LGSN: variants seen among roughly 807,000 people sequenced by gnomAD.
LGSN encodes the protein lengsin, lens protein with glutamine synthetase domain, also known as lengsin.
A neutral mutation model predicts 19.5 loss-of-function variants in LGSN; 21 were observed. The ratio of observed to expected loss-of-function variants is 1.07; its 90% CI spans 0.76 to 1.55. The LOEUF is 1.55. Among genes scored for constraint, LGSN ranks in the 40% most tolerant of loss-of-function variants. LGSN has a pLI of 0.00. For synonymous variants in LGSN, 257 were observed against 215.6 expected, an observed-to-expected ratio of 1.19 and a Z score of -1.68; for missense variants, 673 against 608.5, an observed-to-expected ratio of 1.11 and a Z score of -1.12.
chr6:63,356,184 A>G, the LGSN span, among the ~76,000 whole-genome samples: 1 of 152,210 alleles, frequency 6.6e-6, no homozygotes, highest in African/African-American at 2.4e-5. Context: ...CCTGAAGGTT[A>G]GGACTTCAAG....
the LGSN span, among the ~76,000 whole-genome samples, chr6:63,563,712 A>G: frequency 6.6e-6 from 1 of 152,192 alleles, no homozygotes; most frequent in East Asian, 1.9e-4. Flanking sequence ...TTGGGGAAGG[A>G]GGGAAGGTTG....
At chr6:63,537,721 G>A in the LGSN span, among the ~76,000 whole-genome samples, 2 of 152,220 alleles carry the variant, frequency 1.3e-5, no homozygotes, top group African/African-American at 4.8e-5. Flanking sequence ...TAACACCCTT[G>A]TCAGCAGATC....
upstream of LGSN, among the ~76,000 whole-genome samples, chr6:63,320,169 T>C (rs1302289035): frequency 6.6e-6 from 1 of 152,224 alleles, no homozygotes; most frequent in Non-Finnish European, 1.5e-5. Context: ...GACAAATGCT[T>C]GTTTACGCCT....
the LGSN span, among the ~76,000 whole-genome samples, chr6:63,375,441 T>A: frequency 6.6e-6 from 1 of 151,628 alleles, no homozygotes; most frequent in East Asian, 1.9e-4. Flanking sequence ...TGATCTTTCT[T>A]GGCAAATATT....
At position 63,290,129 on chromosome 6, in the gene LGSN, T is replaced by C. The variant is rs147206035; in HGVS notation, c.164-4376A>G. On this transcript the variant is annotated intron_variant, in intron 2 of 3. Coordinates refer to ENST00000370657, the MANE Select transcript of LGSN (RefSeq NM_016571.3). Reference sequence around the variant, plus strand: ...CAAAGAAGAAATACCATATCAAAATTCCTTACACTTATTTTGGGAGTTTAT... The same window carrying C: ...CAAAGAAGAAATACCATATCAAAATCCCTTACACTTATTTTGGGAGTTTAT... 1.8e-4 allele frequency among the ~76,000 whole-genome samples: 27 copies of C among 152,302 alleles called. No homozygotes were observed. In the East Asian group the frequency reaches 5.2e-3, roughly 29 times the overall value.
chr6:63,339,546 C>T, the LGSN span, among the ~76,000 whole-genome samples: 1 of 151,974 alleles, frequency 6.6e-6, no homozygotes. Context: ...CTTCCCTTCG[C>T]TTTCAGTGTA....
intron 2 of LGSN, 87 bp downstream of exon 2, chr6:63,294,826 A>C: frequency 7.4e-7 from 1 of 1,346,266 alleles, no homozygotes; most frequent in East Asian, 2.3e-5. Flanking sequence ...CTCCCAAAAA[A>C]GAAATGAAGA....
chr6:63,450,927 G>A, the LGSN span, among the ~76,000 whole-genome samples: 1 of 152,028 alleles, frequency 6.6e-6, no homozygotes, highest in Non-Finnish European at 1.5e-5. Flanking sequence ...CCCTGGCCTT[G>A]GCCTCCCAAA....
In LGSN at chr6:63,280,675, C is replaced by T. The variant is rs1308193935; in HGVS notation, c.876G>A (p.Val292=). The T allele has an allele frequency of 3.7e-6, 6 of 1,614,006 alleles. No homozygotes were observed. Among genetic ancestry groups the T allele is most frequent in the Non-Finnish European group, 4.2e-6 (5 of 1,180,004 alleles). The change falls in exon 4 of 4, where the codon GTG becomes GTA. Residue 292 remains valine, a synonymous_variant. Coordinates refer to ENST00000370657, the MANE Select transcript of LGSN (RefSeq NM_016571.3). ...TGGCAATGTAATTATATTTCCTTGC[C>T]ACTTCTTTGACACCTGTTCTGAGGG... is the stretch of plus-strand genomic sequence containing the variant. ...AFTLRTGVKE[V]ARKYNYIASF...
chr6:63,471,722 AC>A, the LGSN span, among the ~76,000 whole-genome samples: 717 of 152,122 alleles, frequency 4.7e-3, 1 homozygote, highest in Non-Finnish European at 6.8e-3. Context: ...CATTCATTTT[AC>A]TACCTGCTAT....
At chr6:63,313,863 A>C (rs545829625) in intron 1 of LGSN, among the ~76,000 whole-genome samples, 4,475 of 150,100 alleles carry the variant, frequency 0.03, 220 homozygotes, top group African/African-American at 0.1. Context: ...TAAATAAATA[A>C]ATAAATACAT....
chr6:63,353,170 A>G, the LGSN span, among the ~76,000 whole-genome samples: 23 of 152,288 alleles, frequency 1.5e-4, no homozygotes, highest in African/African-American at 5.5e-4. Flanking sequence ...TGGAAACCAG[A>G]GAGTAGCTTT....
chr6:63,492,237 A>G, the LGSN span, among the ~76,000 whole-genome samples: 1 of 152,192 alleles, frequency 6.6e-6, no homozygotes, highest in Non-Finnish European at 1.5e-5. Context: ...ACACCTATCT[A>G]TGCACTGAGT....
At position 63,285,773 on chromosome 6, in the gene LGSN, G is replaced by A. The variant is rs372304998; in HGVS notation, c.164-20C>T. 11 of 1,609,498 alleles carry A rather than the reference G, an allele frequency of 6.8e-6. No homozygotes were observed. The highest frequency in any genetic ancestry group is 1.3e-5 in the African/African-American group (1 of 74,746). On this transcript the variant is annotated intron_variant, in intron 2 of 3. Coordinates refer to ENST00000370657, the MANE Select transcript of LGSN (RefSeq NM_016571.3). ...TGCAATCTGCAAAATAAAAAAATAG[G>A]TTCTAACTCACGAGATCATGATGGA...
chr6:63,547,187 A>AT, the LGSN span, among the ~76,000 whole-genome samples: 3,995 of 133,974 alleles, frequency 0.03, 71 homozygotes, highest in South Asian at 0.047. Flanking sequence ...GTAGGGGGGA[A>AT]TTTTTTTTTT....
In LGSN at chr6:63,279,651, T is replaced by G. The variant is rs1767212131; in HGVS notation, c.*370A>C. 1 of 160,850 alleles carries G rather than the reference T, an allele frequency of 6.2e-6. No homozygotes were observed. Among genetic ancestry groups the G allele is most frequent in the Non-Finnish European group, 1.4e-5 (1 of 73,890 alleles). The allele number at this position is 160,850 out of a possible 1,614,324, so 10.0% of individuals were successfully genotyped here. A position where few individuals can be genotyped will look rare whatever the true frequency, so the allele number is the denominator to read the frequency against. ...ATTTTTTCTCCTTTTCTTTTTTTTCTTTTTTAGTCATTTAAATTTTGCTTT... is the reference window on the plus strand; with the variant it reads ...ATTTTTTCTCCTTTTCTTTTTTTTCGTTTTTAGTCATTTAAATTTTGCTTT... On this transcript the variant is annotated 3_prime_UTR_variant, in exon 4 of 4. Transcript: ENST00000370657.
At chr6:63,371,857 T>C in the LGSN span, among the ~76,000 whole-genome samples, 82 of 152,354 alleles carry the variant, frequency 5.4e-4, no homozygotes, top group South Asian at 0.014. Context: ...GGTAAAGAAC[T>C]GCTTATTCTC....
At chr6:63,398,192 T>C in the LGSN span, among the ~76,000 whole-genome samples, 1 of 142,974 alleles carries the variant, frequency 7.0e-6, no homozygotes, top group African/African-American at 2.7e-5. Context: ...TATTTTAGAG[T>C]ATACTCCTAT....
the LGSN span, among the ~76,000 whole-genome samples, chr6:63,387,871 A>G: frequency 6.6e-6 from 1 of 151,056 alleles, no homozygotes; most frequent in Non-Finnish European, 1.5e-5. Flanking sequence ...TTATTGATTG[A>G]TTTATTGATT....
Sources: gnomAD v4.1 joint callset for allele counts (sites outside exome capture counted in the v4.1 genomes callset) on GRCh38, gnomAD v4.1.1 for gene constraint, MANE v1.5 for transcripts, NCBI Gene and HGNC (gene_info 2026-07-23, HGNC 2026-07-21) for gene names.